Variants in ARHGAP24 observed in about 807,000 individuals in gnomAD.
ARHGAP24 encodes Rho GTPase activating protein 24.
ARHGAP24 carries 50 observed loss-of-function variants against 76.4 expected under a neutral mutation model. That is an observed-to-expected ratio of 0.65 (90% CI 0.52 to 0.83). The LOEUF is 0.83. Ranked by LOEUF, ARHGAP24 falls within the 40% of genes least tolerant of loss-of-function variation. ARHGAP24 has a pLI of 0.00. For synonymous variants in ARHGAP24, 345 were observed against 323.3 expected, an observed-to-expected ratio of 1.07 and a Z score of -0.72; for missense variants, 930 against 914.2, an observed-to-expected ratio of 1.02 and a Z score of -0.22.
intron 1 of ARHGAP24, among the ~76,000 whole-genome samples, chr4:85,505,539 A>G (rs1015226617): frequency 6.6e-6 from 1 of 152,176 alleles, no homozygotes; most frequent in Non-Finnish European, 1.5e-5. Context: ...TGCATGCGTC[A>G]CAAAGTTCTA....
intron 2 of ARHGAP24, among the ~76,000 whole-genome samples, chr4:85,614,460 A>G (rs1375464159): frequency 1.3e-5 from 2 of 152,156 alleles, no homozygotes; most frequent in African/African-American, 2.4e-5. Flanking sequence ...GGGTATCCAC[A>G]TGTACCTCCC....
chr4:85,974,909 CA>C lies in ARHGAP24; in HGVS notation c.755del (p.Gln252ArgfsTer2), dbSNP rs1560758370. The C allele has an allele frequency of 1.2e-6, 2 of 1,613,782 alleles. No individual in the cohort carries two copies. The highest frequency in any genetic ancestry group is 3.3e-5 in the Admixed American group (2 of 60,020). On this transcript the variant is annotated frameshift_variant, in exon 7 of 10. Transcript: ENST00000395184. LOFTEE classifies it high-confidence loss of function. ...EEAGVKELAK[Q>X]VKSLPVVNYN... Reference sequence around the variant, plus strand: ...TCAGGGTGTTAAGGAATTAGCAAAGCAGGTGAAGAGTTTGCCAGTGGTAAAT... The same window carrying C: ...TCAGGGTGTTAAGGAATTAGCAAAGCGGTGAAGAGTTTGCCAGTGGTAAAT...
At chr4:85,486,662 C>A (rs1723060892) in intron 1 of ARHGAP24, among the ~76,000 whole-genome samples, 1 of 152,106 alleles carries the variant, frequency 6.6e-6, no homozygotes. Context: ...GTACAGTGAG[C>A]AAACATAGCT....
chr4:85,816,020 T>A (rs969228062), intron 3 of ARHGAP24, among the ~76,000 whole-genome samples: 10 of 152,130 alleles, frequency 6.6e-5, no homozygotes, highest in Non-Finnish European at 1.2e-4. Context: ...TTGTGAGACT[T>A]ATTCACTACC....
chr4:85,626,709 A>C (rs1449201263), intron 2 of ARHGAP24, among the ~76,000 whole-genome samples: 1 of 152,290 alleles, frequency 6.6e-6, no homozygotes, highest in South Asian at 2.1e-4. Context: ...ACTTTCAGGT[A>C]CACCAATCAG....
At chr4:85,562,206 T>A (rs1268188035) in intron 1 of ARHGAP24, among the ~76,000 whole-genome samples, 1 of 152,236 alleles carries the variant, frequency 6.6e-6, no homozygotes, top group African/African-American at 2.4e-5. Context: ...AAAATGCTAA[T>A]GCTATGGAAA....
intron 2 of ARHGAP24, among the ~76,000 whole-genome samples, chr4:85,717,990 C>T (rs958720431): frequency 2.0e-5 from 3 of 152,192 alleles, no homozygotes; most frequent in Middle Eastern, 3.4e-3. Flanking sequence ...TTTATTAGTT[C>T]GTTGCTTCTT....
At chr4:85,807,895 C>G (rs939192900) in intron 3 of ARHGAP24, among the ~76,000 whole-genome samples, 2 of 152,172 alleles carry the variant, frequency 1.3e-5, no homozygotes, top group Admixed American at 1.3e-4. Flanking sequence ...ATGTCAGCAA[C>G]TTTGCTCTGT....
At chr4:85,831,805 G>A (rs1201334673) in intron 3 of ARHGAP24, among the ~76,000 whole-genome samples, 1 of 151,652 alleles carries the variant, frequency 6.6e-6, no homozygotes, top group African/African-American at 2.4e-5. Flanking sequence ...GGGAGGCTGA[G>A]GTGTGATAAT....
chr4:85,899,834 G>A lies in ARHGAP24; in HGVS notation c.269-23814G>A, dbSNP rs142579781. 1.4e-3 allele frequency among the ~76,000 whole-genome samples: 212 copies of A among 152,314 alleles called. 2 individuals are homozygous for A. Among genetic ancestry groups the A allele is most frequent in the African/African-American group, 4.9e-3 (202 of 41,554 alleles). On this transcript the variant is annotated intron_variant, in intron 3 of 9. Transcript: ENST00000395184. ...AAGCAGAGGCAAGGGGATGACTTGA[G>A]CCTAAGAGTTTGAAACCAGCCTGGG...
chr4:85,950,207 TG>T (rs1737530247), intron 5 of ARHGAP24, among the ~76,000 whole-genome samples: 1 of 151,884 alleles, frequency 6.6e-6, no homozygotes, highest in Non-Finnish European at 1.5e-5. Context: ...AGAAGGCCAC[TG>T]GGGGCAAGAC....
intron 2 of ARHGAP24, among the ~76,000 whole-genome samples, chr4:85,572,874 C>CTTTTTTTTTTTTTT (rs775780758): frequency 2.4e-5 from 3 of 124,294 alleles, no homozygotes; most frequent in South Asian, 2.5e-4. Flanking sequence ...TTTTTTCTTT[C>CTTTTTTTTTTTTTT]TTTTTTTTTT....
chr4:85,480,031 CTCTA>C (rs1375786838), intron 1 of ARHGAP24, among the ~76,000 whole-genome samples: 1 of 152,140 alleles, frequency 6.6e-6, no homozygotes, highest in Non-Finnish European at 1.5e-5. Context: ...TTTCTAAACT[CTCTA>C]TCTATATCAA....
chr4:85,719,716 T>C (rs1284035145), intron 2 of ARHGAP24, among the ~76,000 whole-genome samples: 1 of 152,148 alleles, frequency 6.6e-6, no homozygotes, highest in Non-Finnish European at 1.5e-5. Context: ...ATGCTTGGCA[T>C]TGGTAGTAAA....
chr4:85,872,411 C>T (rs550178346), intron 3 of ARHGAP24, among the ~76,000 whole-genome samples: 1 of 151,906 alleles, frequency 6.6e-6, no homozygotes, highest in East Asian at 1.9e-4. Flanking sequence ...ATTCTCCTGC[C>T]TCAGCCTCCC....
chr4:85,518,489 T>C (rs541781784), intron 1 of ARHGAP24, among the ~76,000 whole-genome samples: 13 of 152,222 alleles, frequency 8.5e-5, no homozygotes, highest in Non-Finnish European at 1.6e-4. Flanking sequence ...CACTGCACCA[T>C]ATTTGTAGTC....
In ARHGAP24 at chr4:85,882,327, A is replaced by G. The variant is rs186344227; in HGVS notation, c.269-41321A>G. ...ATGTTTATGAGGAGAATTAGATGAC[A>G]TAACATATGCAAAGTTTTTGTCTCT... On this transcript the variant is annotated intron_variant, in intron 3 of 9. Coordinates refer to ENST00000395184, the MANE Select transcript of ARHGAP24 (RefSeq NM_001025616.3). 4.5e-4 allele frequency among the ~76,000 whole-genome samples: 68 copies of G among 152,340 alleles called. No individual in the cohort carries two copies. In the South Asian group the frequency reaches 6.0e-3, roughly 13 times the overall value.
chr4:85,574,168 G>T (rs992121842), intron 2 of ARHGAP24, among the ~76,000 whole-genome samples: 4 of 152,042 alleles, frequency 2.6e-5, no homozygotes, highest in African/African-American at 9.7e-5. Context: ...TCTTGTCCTT[G>T]GTTAAAGTTC....
At chr4:85,774,686 C>T (rs533793544) in intron 3 of ARHGAP24, among the ~76,000 whole-genome samples, 1 of 152,274 alleles carries the variant, frequency 6.6e-6, no homozygotes, top group South Asian at 2.1e-4. Context: ...TTACAGGTAT[C>T]TTATGTAGAT....
Sources: gnomAD v4.1 joint callset for allele counts (sites outside exome capture counted in the v4.1 genomes callset) on GRCh38, gnomAD v4.1.1 for gene constraint, MANE v1.5 for transcripts, NCBI Gene and HGNC (gene_info 2026-07-23, HGNC 2026-07-21) for gene names.